Variants in NTM observed in about 807,000 individuals in gnomAD.
NTM encodes neurotrimin, also known as IgLON family member 2.
In NTM, 13 loss-of-function variants were observed where a neutral mutation model predicts 42.1. That is an observed-to-expected ratio of 0.31 (90% CI 0.20 to 0.49). The LOEUF (loss-of-function observed/expected upper bound fraction) is 0.49. Among genes scored for constraint, NTM ranks in the 20% least tolerant of loss-of-function variants. The pLI is 0.99. For missense variants in NTM, 373 were observed against 452.8 expected (o/e 0.82, Z 1.60); for synonymous variants, 187 against 179.2 (o/e 1.04, Z -0.35).
chr11:131,593,758 T>C (rs1365627770), intron 1 of NTM, among the ~76,000 whole-genome samples: 1 of 152,252 alleles, frequency 6.6e-6, no homozygotes, highest in Admixed American at 6.5e-5. Context: ...CGCCACATTC[T>C]GTGGCCTCAC....
chr11:132,134,427 C>G (rs74792552), intron 2 of NTM, among the ~76,000 whole-genome samples: 3,147 of 151,926 alleles, frequency 0.021, 72 homozygotes, highest in Non-Finnish European at 0.027. Context: ...TGCACCTTCA[C>G]TCGAGCAGTG....
At chr11:131,888,747 G>A (rs978682370) in intron 1 of NTM, among the ~76,000 whole-genome samples, 2 of 152,144 alleles carry the variant, frequency 1.3e-5, no homozygotes, top group African/African-American at 4.8e-5. Context: ...TCCACAGGGG[G>A]TAAAGGGAGC....
At chr11:131,861,251 G>A (rs970266859) in intron 1 of NTM, among the ~76,000 whole-genome samples, 4 of 152,160 alleles carry the variant, frequency 2.6e-5, no homozygotes, top group East Asian at 3.9e-4. Flanking sequence ...AAGGCTGTAC[G>A]GTCCTATCCC....
At chr11:131,389,840 T>A (rs1943788126) in intron 1 of NTM, among the ~76,000 whole-genome samples, 1 of 152,050 alleles carries the variant, frequency 6.6e-6, no homozygotes, top group Non-Finnish European at 1.5e-5. Context: ...GAGTGAGTAA[T>A]CAAAGGAGAT....
At chr11:132,245,508 T>C (rs1230986202) in intron 4 of NTM, among the ~76,000 whole-genome samples, 1 of 152,118 alleles carries the variant, frequency 6.6e-6, no homozygotes, top group African/African-American at 2.4e-5. Context: ...GAGCATTTTA[T>C]GCACGGTGCC....
intron 1 of NTM, among the ~76,000 whole-genome samples, chr11:131,544,606 A>C (rs2053682584): frequency 1.3e-5 from 2 of 152,212 alleles, no homozygotes; most frequent in South Asian, 4.1e-4. Context: ...TGGTGGCACT[A>C]GGATATCTCA....
intron 1 of NTM, among the ~76,000 whole-genome samples, chr11:131,659,933 A>G (rs1342179167): frequency 3.3e-5 from 5 of 152,244 alleles, no homozygotes; most frequent in African/African-American, 9.6e-5. Flanking sequence ...AGGCATAAGA[A>G]GAAGAAGACA....
chr11:131,954,773 C>T (rs985835256), intron 2 of NTM, among the ~76,000 whole-genome samples: 21 of 152,078 alleles, frequency 1.4e-4, no homozygotes, highest in Non-Finnish European at 2.6e-4. Context: ...ATGCTTCTGT[C>T]GGTATTTTCT....
intron 4 of NTM, among the ~76,000 whole-genome samples, chr11:132,299,883 A>C (rs1358775524): frequency 6.6e-6 from 1 of 152,110 alleles, no homozygotes; most frequent in Non-Finnish European, 1.5e-5. Context: ...ATGTCAAGGA[A>C]CTATGTGTAA....
chr11:132,177,742 G>A (rs963090906), intron 3 of NTM, among the ~76,000 whole-genome samples: 2 of 152,140 alleles, frequency 1.3e-5, no homozygotes, highest in African/African-American at 2.4e-5. Context: ...GTTGTTGAAG[G>A]CAATGAAGCC....
chr11:132,267,479 ATT>A (rs5795769), intron 4 of NTM, among the ~76,000 whole-genome samples: 31,533 of 143,580 alleles, frequency 0.22, 4,210 homozygotes, highest in East Asian at 0.64. Flanking sequence ...TTCTTGGATG[ATT>A]TTTTTTTTTT....
intron 1 of NTM, among the ~76,000 whole-genome samples, chr11:131,741,595 C>A (rs2081212634): frequency 1.3e-5 from 2 of 151,918 alleles, no homozygotes; most frequent in African/African-American, 4.8e-5. Flanking sequence ...ATATTAGAAG[C>A]AATTTGTTTG....
intron 1 of NTM, among the ~76,000 whole-genome samples, chr11:131,622,752 A>T (rs2062706131): frequency 6.6e-6 from 1 of 152,206 alleles, no homozygotes; most frequent in South Asian, 2.1e-4. Flanking sequence ...ATGTGTCCTG[A>T]TGTTCCCCTC....
At chr11:132,022,277 G>A (rs2074463259) in intron 2 of NTM, among the ~76,000 whole-genome samples, 2 of 152,150 alleles carry the variant, frequency 1.3e-5, no homozygotes, top group African/African-American at 4.8e-5. Context: ...CCACTCCACT[G>A]GAATGGTTGA....
At chr11:131,638,354 G>C (rs1487463696) in intron 1 of NTM, among the ~76,000 whole-genome samples, 1 of 152,004 alleles carries the variant, frequency 6.6e-6, no homozygotes, top group Non-Finnish European at 1.5e-5. Context: ...ATCACCTGAG[G>C]TCAGGAGTTC....
chr11:131,984,023 G>A (rs1372314883), intron 2 of NTM, among the ~76,000 whole-genome samples: 5 of 152,212 alleles, frequency 3.3e-5, no homozygotes, highest in Non-Finnish European at 7.3e-5. Flanking sequence ...CCAAAGAAAA[G>A]GAATGTAACC....
At position 131,911,394 on chromosome 11, in the gene NTM, C is replaced by T. The variant is rs945086599; in HGVS notation, c.83-170C>T. ...GGGTTCACCGCTCAGTCCCCGCGCT[C>T]GCTCCGCACCCCACCCACTTCCTGT... On this transcript the variant is annotated intron_variant, in intron 1 of 8. Transcript: ENST00000683400. 4 of 1,587,906 alleles carry T rather than the reference C, an allele frequency of 2.5e-6. No homozygotes were observed. In the African/African-American group the frequency reaches 4.0e-5, roughly 16 times the overall value.
At chr11:131,498,327 AG>A (rs375251893) in intron 1 of NTM, among the ~76,000 whole-genome samples, 2 of 152,338 alleles carry the variant, frequency 1.3e-5, no homozygotes, top group African/African-American at 4.8e-5. Flanking sequence ...CCCACCTTCC[AG>A]AGTGGCTGGG....
chr11:131,695,778 A>G (rs1051888751), intron 1 of NTM, among the ~76,000 whole-genome samples: 3 of 152,180 alleles, frequency 2.0e-5, no homozygotes, highest in African/African-American at 7.2e-5. Context: ...GTAATCCTTA[A>G]GGCAACCCCA....
Sources: allele counts gnomAD v4.1 joint callset (sites outside exome capture counted in the v4.1 genomes callset), GRCh38; gene constraint gnomAD v4.1.1; transcripts MANE v1.5; gene names NCBI Gene and HGNC (gene_info 2026-07-23, HGNC 2026-07-21).